The following GALNT13 variants were observed in gnomAD, a reference collection of about 807,000 sequenced individuals.
The protein encoded by GALNT13 is polypeptide N-acetylgalactosaminyltransferase 13.
In GALNT13, 28 loss-of-function variants were observed where a neutral mutation model predicts 64.2. The observed-to-expected ratio is 0.44, with a 90% CI of 0.32 to 0.60. GALNT13 has a LOEUF of 0.60. GALNT13 is among the 20% of genes least tolerant of loss of function. The pLI is 0.05. For missense variants in GALNT13, 577 were observed against 669.8 expected (o/e 0.86, Z 1.53); for synonymous variants, 214 against 224.6 (o/e 0.95, Z 0.42).
chr2:153,951,719 C>T (rs116101959), intron 3 of GALNT13, among the ~76,000 whole-genome samples: 1,749 of 152,156 alleles, frequency 0.011, 27 homozygotes, highest in African/African-American at 0.039. Context: ...AGGAACTGTT[C>T]AGTAGGAAGT....
chr2:153,156,682 C>T, the GALNT13 span, among the ~76,000 whole-genome samples: 2 of 152,128 alleles, frequency 1.3e-5, no homozygotes, highest in Non-Finnish European at 2.9e-5. Context: ...ATTCCCTGCT[C>T]AAACATTTAT....
chr2:154,343,644 C>A (rs1448326811), intron 9 of GALNT13, among the ~76,000 whole-genome samples: 1 of 151,944 alleles, frequency 6.6e-6, no homozygotes, highest in Non-Finnish European at 1.5e-5. Flanking sequence ...TTGAAACTTA[C>A]CTATGTTGAT....
chr2:153,222,345 T>TGGGGG, the GALNT13 span, among the ~76,000 whole-genome samples: 1 of 23,206 alleles, frequency 4.3e-5, no homozygotes, highest in Non-Finnish European at 8.6e-5. Flanking sequence ...GGGGGGGGGT[T>TGGGGG]GGGCTTATAG....
At chr2:153,678,077 AC>A in the GALNT13 span, among the ~76,000 whole-genome samples, 35,231 of 149,492 alleles carry the variant, frequency 0.24, 5,176 homozygotes, top group Middle Eastern at 0.46. Context: ...AAACAAAAAA[AC>A]AAAAGAAACT....
intron 11 of GALNT13, among the ~76,000 whole-genome samples, chr2:154,416,724 T>C (rs1001698967): frequency 6.6e-6 from 1 of 152,156 alleles, no homozygotes; most frequent in Non-Finnish European, 1.5e-5. Context: ...TTTAAGTAAA[T>C]CCAATAGGCC....
In GALNT13 at chr2:153,966,611, G is replaced by T. The variant is rs549071794; in HGVS notation, c.142+21972G>T. 2.6e-5 allele frequency among the ~76,000 whole-genome samples: 4 copies of T among 151,902 alleles called. No homozygotes were observed. In the East Asian group the frequency reaches 7.8e-4, roughly 30 times the overall value. On this transcript the variant is annotated intron_variant, in intron 3 of 12. Coordinates refer to ENST00000392825, the MANE Select transcript of GALNT13 (RefSeq NM_052917.4). ...TCTCGATCTCATGACCTCGTGATCC[G>T]CCCGCCTCGGCCTTCCAAAGCGCTG...
At chr2:154,120,083 G>GTT (rs140047576) in intron 3 of GALNT13, among the ~76,000 whole-genome samples, 17 of 151,828 alleles carry the variant, frequency 1.1e-4, no homozygotes, top group African/African-American at 2.2e-4. Context: ...TTGTTTGTTT[G>GTT]TTTTTTTGTC....
chr2:153,509,232 A>C, the GALNT13 span, among the ~76,000 whole-genome samples: 6 of 152,234 alleles, frequency 3.9e-5, no homozygotes, highest in Non-Finnish European at 8.8e-5. Context: ...CTGAGAGTGC[A>C]GGGCTGCCTC....
chr2:153,265,177 A>T, the GALNT13 span, among the ~76,000 whole-genome samples: 1 of 152,180 alleles, frequency 6.6e-6, no homozygotes. Context: ...TGGCAACCCC[A>T]GCTGATGTCT....
At chr2:153,809,565 C>T in the GALNT13 span, among the ~76,000 whole-genome samples, 45,257 of 151,982 alleles carry the variant, frequency 0.3, 7,214 homozygotes, top group Middle Eastern at 0.42. Context: ...TATCTTTGAG[C>T]AATTTTAATC....
At chr2:153,421,994 T>C in the GALNT13 span, 2 of 153,408 alleles carry the variant, frequency 1.3e-5, no homozygotes, top group Admixed American at 6.5e-5. Context: ...AGTCAGAAGA[T>C]ACTGGGTCTC....
the GALNT13 span, among the ~76,000 whole-genome samples, chr2:153,863,723 A>T: frequency 6.6e-6 from 1 of 152,182 alleles, no homozygotes. Context: ...TGACATAATT[A>T]TGTAATTTAA....
At chr2:154,315,626 A>G (rs906556086) in intron 9 of GALNT13, among the ~76,000 whole-genome samples, 2 of 152,236 alleles carry the variant, frequency 1.3e-5, no homozygotes, top group African/African-American at 4.8e-5. Flanking sequence ...TCAGTGTGGT[A>G]GGTACTAATT....
intron 2 of GALNT13, among the ~76,000 whole-genome samples, chr2:153,928,273 T>G (rs1346973995): frequency 1.3e-5 from 2 of 152,164 alleles, no homozygotes; most frequent in Non-Finnish European, 2.9e-5. Flanking sequence ...GAAAGAACAC[T>G]TGTAATATAT....
chr2:153,255,076 G>C, the GALNT13 span, among the ~76,000 whole-genome samples: 3 of 152,188 alleles, frequency 2.0e-5, no homozygotes, highest in Non-Finnish European at 4.4e-5. Flanking sequence ...GGGTGTGAAA[G>C]TCTCCCATTA....
At chr2:154,233,029 C>T (rs1689004731) in intron 4 of GALNT13, among the ~76,000 whole-genome samples, 1 of 138,772 alleles carries the variant, frequency 7.2e-6, no homozygotes, top group Non-Finnish European at 1.5e-5. Context: ...GACAGAGTGA[C>T]CCTGTCTCAA....
the GALNT13 span, among the ~76,000 whole-genome samples, chr2:153,512,912 T>C: frequency 6.6e-6 from 1 of 152,232 alleles, no homozygotes; most frequent in Non-Finnish European, 1.5e-5. Context: ...CCCCATATGA[T>C]ATACATTAGG....
chr2:153,833,685 G>T, the GALNT13 span, among the ~76,000 whole-genome samples: 3 of 152,124 alleles, frequency 2.0e-5, no homozygotes, highest in Non-Finnish European at 4.4e-5. Context: ...GTCTTGAAAT[G>T]AATCTTTCAT....
At chr2:153,087,236 A>G in the GALNT13 span, among the ~76,000 whole-genome samples, 1 of 152,072 alleles carries the variant, frequency 6.6e-6, no homozygotes. Flanking sequence ...TATTGAGATG[A>G]TCATATGATT....
Sources: gnomAD v4.1 joint callset for allele counts (sites outside exome capture counted in the v4.1 genomes callset) on GRCh38, gnomAD v4.1.1 for gene constraint, MANE v1.5 for transcripts, NCBI Gene and HGNC (gene_info 2026-07-23, HGNC 2026-07-21) for gene names.